Variants in TOGARAM1 observed in about 807,000 individuals in gnomAD.
The protein encoded by TOGARAM1 is TOG array regulator of axonemal microtubules protein 1.
TOGARAM1 carries 100 observed loss-of-function variants against 166.6 expected under a neutral mutation model. The observed-to-expected ratio is 0.60, with a 90% CI of 0.51 to 0.71. The LOEUF is 0.71. TOGARAM1 is among the 30% of genes least tolerant of loss of function. The pLI, the probability that TOGARAM1 is intolerant of heterozygous loss-of-function variation, is 0.00. For synonymous variants in TOGARAM1, 758 were observed against 763.8 expected (o/e 0.99, Z 0.13); for missense variants, 2,029 against 2,102.7 (o/e 0.96, Z 0.69).
chr14:45,024,004 G>A (rs1244556400), intron 7 of TOGARAM1, among the ~76,000 whole-genome samples: 1 of 152,190 alleles, frequency 6.6e-6, no homozygotes, highest in Non-Finnish European at 1.5e-5. Context: ...GCCCCACAAA[G>A]TGCTGGGATT....
intron 7 of TOGARAM1, among the ~76,000 whole-genome samples, chr14:45,017,303 C>T (rs910237860): frequency 6.6e-6 from 1 of 151,980 alleles, no homozygotes; most frequent in African/African-American, 2.4e-5. Flanking sequence ...TTTTGGGCTT[C>T]CCTGAGGAGC....
intron 7 of TOGARAM1, among the ~76,000 whole-genome samples, chr14:45,021,119 T>C (rs1880473736): frequency 6.6e-6 from 1 of 152,110 alleles, no homozygotes; most frequent in South Asian, 2.1e-4. Flanking sequence ...CTTTATGTGT[T>C]TTTCTCCTGC....
At chr14:44,997,017 A>G (rs1466413739) in intron 2 of TOGARAM1, 1 of 152,292 alleles carries the variant, frequency 6.6e-6, no homozygotes, top group Non-Finnish European at 1.5e-5. Context: ...ATCAGAGAGC[A>G]AGGTCAAAAA....
In TOGARAM1 at chr14:44,962,258, A is replaced by C; in HGVS notation, c.-164A>C. 1.2e-6 allele frequency: 1 copy of C among 822,088 alleles called. No homozygotes were observed. The highest frequency in any genetic ancestry group is 1.8e-6 in the Non-Finnish European group (1 of 565,850). The allele number at this position is 822,088 out of a possible 1,614,324, so 50.9% of individuals were successfully genotyped here. On this transcript the variant is annotated 5_prime_UTR_variant, in exon 1 of 20. Coordinates refer to ENST00000361462, the MANE Select transcript of TOGARAM1 (RefSeq NM_001308120.2). ...GGGCTCAGACGGGGGCCATTTTGCC[A>C]GAGGCTGCCTCCCGGAGTTGGGGGC... is the stretch of plus-strand genomic sequence containing the variant.
chr14:45,034,143 T>C (rs1881309877), intron 11 of TOGARAM1, among the ~76,000 whole-genome samples: 2 of 151,830 alleles, frequency 1.3e-5, no homozygotes, highest in Admixed American at 1.3e-4. Flanking sequence ...GGTGACAGAG[T>C]GAGACTCCAT....
At chr14:44,991,986 C>A (rs1411092284) in intron 1 of TOGARAM1, among the ~76,000 whole-genome samples, 1 of 144,830 alleles carries the variant, frequency 6.9e-6, no homozygotes, top group African/African-American at 2.6e-5. Flanking sequence ...TCCTATAGTC[C>A]CAGATACTTT....
chr14:45,018,464 G>A (rs575899395), intron 7 of TOGARAM1, among the ~76,000 whole-genome samples: 13 of 152,170 alleles, frequency 8.5e-5, no homozygotes, highest in Non-Finnish European at 1.6e-4. Flanking sequence ...GACTAGTCTC[G>A]AACTCCTGGC....
chr14:45,028,298 A>G lies in TOGARAM1; in HGVS notation c.3627A>G (p.Arg1209=). 1 of 1,588,300 alleles carries G rather than the reference A, an allele frequency of 6.3e-7. No homozygotes were observed. The highest frequency in any genetic ancestry group is 8.5e-7 in the Non-Finnish European group (1 of 1,174,126). ...KKEKNSWERM[R]HTGTEKMASE... ...AAAAAAATTCCTGGGAACGAATGAGACATACAGGAACTGAGAAAATGGCAT... is the reference window on the plus strand; with the variant it reads ...AAAAAAATTCCTGGGAACGAATGAGGCATACAGGAACTGAGAAAATGGCAT... Residue 1209 remains arginine, a synonymous_variant, in exon 10 of 20, where the codon AGA becomes AGG. Transcript: ENST00000361462.
chr14:45,045,628 T>C (rs1365665468), intron 13 of TOGARAM1, among the ~76,000 whole-genome samples: 4 of 117,578 alleles, frequency 3.4e-5, no homozygotes, highest in African/African-American at 9.5e-5. Flanking sequence ...TATATATATG[T>C]ATATATATAC....
At chr14:45,033,282 C>T (rs1881266396) in intron 11 of TOGARAM1, among the ~76,000 whole-genome samples, 1 of 151,238 alleles carries the variant, frequency 6.6e-6, no homozygotes, top group African/African-American at 2.4e-5. Flanking sequence ...AGAAGTTCTG[C>T]AGAATTTAAT....
chr14:45,012,427 C>T (rs1230280323), intron 7 of TOGARAM1, among the ~76,000 whole-genome samples: 1 of 152,124 alleles, frequency 6.6e-6, no homozygotes, highest in African/African-American at 2.4e-5. Context: ...AGTTTGGGAA[C>T]CACTGGACAT....
intron 1 of TOGARAM1, among the ~76,000 whole-genome samples, chr14:44,968,420 C>A (rs575358514): frequency 3.9e-5 from 6 of 152,260 alleles, no homozygotes; most frequent in African/African-American, 1.4e-4. Flanking sequence ...CCACCATGCC[C>A]AGTATTTTTA....
intron 7 of TOGARAM1, among the ~76,000 whole-genome samples, chr14:45,016,615 T>G (rs949983387): frequency 6.6e-6 from 1 of 152,196 alleles, no homozygotes; most frequent in Admixed American, 6.5e-5. Flanking sequence ...CAGGCTGGCC[T>G]TGAACTCCTG....
At chr14:45,056,402 T>G (rs1266953794) in intron 16 of TOGARAM1, among the ~76,000 whole-genome samples, 1 of 152,214 alleles carries the variant, frequency 6.6e-6, no homozygotes, top group African/African-American at 2.4e-5. Flanking sequence ...CTTATAGTAC[T>G]GTGTTGAATA....
At chr14:44,994,627 A>G (rs192083079) in intron 1 of TOGARAM1, among the ~76,000 whole-genome samples, 1 of 152,224 alleles carries the variant, frequency 6.6e-6, no homozygotes, top group East Asian at 1.9e-4. Flanking sequence ...CTATGTTGCC[A>G]AGGCTGATCT....
At chr14:45,068,848 T>C (rs914174153) in intron 18 of TOGARAM1, among the ~76,000 whole-genome samples, 7 of 152,126 alleles carry the variant, frequency 4.6e-5, no homozygotes, top group African/African-American at 1.4e-4. Flanking sequence ...TCTTTTCCCT[T>C]ATCTGTGACT....
chr14:44,991,576 A>T (rs185231360), intron 1 of TOGARAM1, among the ~76,000 whole-genome samples: 11 of 152,330 alleles, frequency 7.2e-5, no homozygotes, highest in African/African-American at 2.2e-4. Context: ...GTGTGTAACA[A>T]TGTTCACTGC....
intron 3 of TOGARAM1, 26 bp from the exon 4 acceptor site, chr14:45,004,035 A>G (rs760398836): frequency 3.8e-6 from 6 of 1,569,978 alleles, no homozygotes; most frequent in Non-Finnish European, 4.3e-6. Context: ...TACATAAATA[A>G]TATATTATCT....
rs1462361342 is a variant in TOGARAM1, at chr14:45,074,159, T to C, written c.*598T>C. On this transcript the variant is annotated 3_prime_UTR_variant, in exon 20 of 20. Coordinates refer to ENST00000361462, the MANE Select transcript of TOGARAM1 (RefSeq NM_001308120.2). ...AAATTTAACAAGTTATAATAAAGCA[T>C]GACAACCAAAGTTTTAGAAAACATT... The C allele has an allele frequency of 6.6e-6, 1 of 152,656 alleles. No homozygotes were observed. The highest frequency in any genetic ancestry group is 2.4e-5 in the African/African-American group (1 of 41,462). The allele number at this position is 152,656 out of a possible 1,614,324, so 9.5% of individuals were successfully genotyped here. A position where few individuals can be genotyped will look rare whatever the true frequency, so the allele number is the denominator to read the frequency against.
Sources: gnomAD v4.1 joint callset for allele counts (sites outside exome capture counted in the v4.1 genomes callset) on GRCh38, gnomAD v4.1.1 for gene constraint, MANE v1.5 for transcripts, NCBI Gene and HGNC (gene_info 2026-07-23, HGNC 2026-07-21) for gene names.